The following MED1 variants were observed in gnomAD, a reference collection of about 807,000 sequenced individuals.
MED1 encodes mediator complex subunit 1.
Under a neutral mutation model 121.3 loss-of-function variants are expected in MED1, and 17 were observed. That is an observed-to-expected ratio of 0.14 (90% CI 0.10 to 0.21). The LOEUF is 0.21. MED1 is among the 10% of genes least tolerant of loss of function. The pLI, the probability that MED1 is intolerant of heterozygous loss-of-function variation, is 1.00. For synonymous variants in MED1, 661 were observed against 694.4 expected (o/e 0.95, Z 0.76); for missense variants, 1,558 against 1,919.4 (o/e 0.81, Z 3.52).
intron 6 of MED1, among the ~76,000 whole-genome samples, chr17:39,437,406 A>G (rs1356462689): frequency 3.3e-5 from 5 of 152,128 alleles, no homozygotes; most frequent in Non-Finnish European, 7.4e-5. Context: ...TAGATCACCA[A>G]TTCCCAACCA....
In MED1 at chr17:39,440,036, G is replaced by A. The variant is rs941561926; in HGVS notation, c.399+350C>T. ...AAGGAAGGAAAGAAAGAAAGAAAGA[G>A]AGAAAGAGAAAGAAAGAAAAGAAAG... On this transcript the variant is annotated intron_variant, in intron 5 of 16. Coordinates refer to ENST00000300651, the MANE Select transcript of MED1 (RefSeq NM_004774.4). This position sits in a 1 kb window ranked among gnomAD's most constrained non-coding sequence, Gnocchi z 4.1. 3.2e-3 allele frequency among the ~76,000 whole-genome samples: 417 copies of A among 128,528 alleles called. 2 individuals are homozygous for A. The highest frequency in any genetic ancestry group is 0.011 in the African/African-American group (399 of 35,452). The allele number at this position is 128,528 out of a possible 152,430, so 84.3% of individuals were successfully genotyped here. A position where few individuals can be genotyped will look rare whatever the true frequency, so the allele number is the denominator to read the frequency against.
In MED1 at chr17:39,408,917, A is replaced by G; in HGVS notation, c.3304T>C (p.Ser1102Pro). ...GTGGAAGCAGATGAGGAAGAGGAGGAAGAATGGCTATGGTGGCTTTTGCTG... is the reference window on the plus strand; with the variant it reads ...GTGGAAGCAGATGAGGAAGAGGAGGGAGAATGGCTATGGTGGCTTTTGCTG... The part of the protein sequence containing the change: ...SGSKSHHSHS[S>P]SSSSSASTSG... Residue 1102 changes from serine to proline, a missense_variant, in exon 17 of 17, where the codon TCC becomes CCC. Around this residue, in one of 5 missense-constraint regions of MED1, gnomAD observed 793 missense variants for 898.2 expected, o/e 0.88. Transcript: ENST00000300651. The surrounding 1 kb of genome is among the most constrained non-coding windows in gnomAD (Gnocchi z 4.7). 1.2e-6 allele frequency: 2 copies of G among 1,614,106 alleles called. No homozygotes were observed. Among genetic ancestry groups the G allele is most frequent in the South Asian group, 2.2e-5 (2 of 91,080 alleles).
intron 16 of MED1, 94 bp from the exon 17 acceptor site, chr17:39,410,815 G>C: frequency 6.7e-7 from 1 of 1,489,542 alleles, no homozygotes; most frequent in Non-Finnish European, 8.9e-7. Flanking sequence ...GCAGTAAGCA[G>C]TTTTCAGGTA....
In MED1 at chr17:39,407,451, T is replaced by C; in HGVS notation, c.*24A>G. The C allele has an allele frequency of 6.3e-7, 1 of 1,575,872 alleles. No individual in the cohort carries two copies. Among genetic ancestry groups the C allele is most frequent in the Non-Finnish European group, 8.6e-7 (1 of 1,163,146 alleles). On this transcript the variant is annotated 3_prime_UTR_variant, in exon 17 of 17. Coordinates refer to ENST00000300651, the MANE Select transcript of MED1 (RefSeq NM_004774.4). ...TCAATAGTTTTTTTTCCTCTGGCCC[T>C]GTTTCTTTTAGGAAATAAGGTTCCT... is the stretch of plus-strand genomic sequence containing the variant.
chr17:39,441,128 C>T (rs1409243786), intron 3 of MED1, among the ~76,000 whole-genome samples: 1 of 151,964 alleles, frequency 6.6e-6, no homozygotes, highest in African/African-American at 2.4e-5. Context: ...ATTTTTCAAC[C>T]TTAAAAAAGA....
At chr17:39,438,745 T>A (rs533230396) in intron 6 of MED1, among the ~76,000 whole-genome samples, 1 of 152,230 alleles carries the variant, frequency 6.6e-6, no homozygotes, top group Non-Finnish European at 1.5e-5. Context: ...AGTGCTGGGA[T>A]TACAGGCGTG....
At chr17:39,429,886 C>T (rs2048549910) in intron 9 of MED1, among the ~76,000 whole-genome samples, 1 of 151,828 alleles carries the variant, frequency 6.6e-6, no homozygotes, top group African/African-American at 2.4e-5. Context: ...CAGTTCAAGA[C>T]CAGCCTAGGC....
At chr17:39,428,489 T>A (rs1322970751) in intron 9 of MED1, among the ~76,000 whole-genome samples, 1 of 148,780 alleles carries the variant, frequency 6.7e-6, no homozygotes, top group Non-Finnish European at 1.5e-5. Context: ...GTCTCAAAAA[T>A]AATAATAATA....
intron 7 of MED1, among the ~76,000 whole-genome samples, chr17:39,433,028 A>AC (rs1567648986): frequency 6.6e-6 from 1 of 151,896 alleles, no homozygotes; most frequent in African/African-American, 2.4e-5. Flanking sequence ...AGATGGTGAA[A>AC]CCCCACCTCT....
intron 6 of MED1, among the ~76,000 whole-genome samples, chr17:39,436,255 G>C (rs1017383342): frequency 3.3e-5 from 5 of 151,742 alleles, no homozygotes; most frequent in Non-Finnish European, 5.9e-5. Flanking sequence ...CAGCTACTCG[G>C]GAGGCTGAGG....
chr17:39,427,636 C>G (rs921997056), intron 10 of MED1, 65 bp downstream of exon 10: 3 of 1,222,266 alleles, frequency 2.5e-6, no homozygotes, highest in Non-Finnish European at 3.5e-6. Flanking sequence ...GAATAGCAAA[C>G]CAGAAATTAA....
intron 3 of MED1, among the ~76,000 whole-genome samples, chr17:39,441,413 C>A (rs996023508): frequency 2.0e-5 from 3 of 152,174 alleles, no homozygotes; most frequent in Non-Finnish European, 2.9e-5. Context: ...CTTAACGCTA[C>A]TGAACTATAC....
intron 16 of MED1, among the ~76,000 whole-genome samples, chr17:39,411,505 C>G (rs2048355399): frequency 6.6e-6 from 1 of 151,620 alleles, no homozygotes; most frequent in South Asian, 2.1e-4. Flanking sequence ...AGCTGTAATC[C>G]CAGCTACTCA....
chr17:39,447,936 A>T (rs1056087474), intron 1 of MED1, 32 bp from the exon 2 acceptor site: 3 of 1,435,056 alleles, frequency 2.1e-6, no homozygotes, highest in Non-Finnish European at 2.9e-6. Flanking sequence ...GTTATCAGTA[A>T]CTGTTCTATC....
chr17:39,423,051 G>T (rs763709816), intron 13 of MED1, among the ~76,000 whole-genome samples: 1 of 151,418 alleles, frequency 6.6e-6, no homozygotes, highest in Admixed American at 6.6e-5. Flanking sequence ...ATTTTTAGTA[G>T]AGACAGGGTT....
chr17:39,418,189 G>T (rs1039066023), intron 14 of MED1, among the ~76,000 whole-genome samples: 5 of 151,058 alleles, frequency 3.3e-5, no homozygotes, highest in East Asian at 3.9e-4. Flanking sequence ...TCCAAACAAT[G>T]GGGAGAGAAA....
intron 13 of MED1, among the ~76,000 whole-genome samples, chr17:39,422,386 G>T (rs1372480605): frequency 6.8e-6 from 1 of 146,612 alleles, no homozygotes; most frequent in East Asian, 2.1e-4. Flanking sequence ...GGATGCTCTC[G>T]ATCTCTTGAC....
chr17:39,406,017 C>T lies in MED1; in HGVS notation c.*1458G>A. 1.0e-6 allele frequency: 1 copy of T among 985,360 alleles called. No individual in the cohort carries two copies. The highest frequency in any genetic ancestry group is 1.2e-6 in the Non-Finnish European group (1 of 829,904). The allele number at this position is 985,360 out of a possible 1,614,324, so 61.0% of individuals were successfully genotyped here. A position where few individuals can be genotyped will look rare whatever the true frequency, so the allele number is the denominator to read the frequency against. ...AATGGCACAGTGCAGGTGTCAATAT[C>T]AAAGTAAGGCCGCAGAATTTTTGAG... On this transcript the variant is annotated 3_prime_UTR_variant, in exon 17 of 17. Coordinates refer to ENST00000300651, the MANE Select transcript of MED1 (RefSeq NM_004774.4).
intron 10 of MED1, among the ~76,000 whole-genome samples, chr17:39,425,737 G>C (rs1375174743): frequency 6.6e-6 from 1 of 151,700 alleles, no homozygotes; most frequent in Admixed American, 6.6e-5. Context: ...GGGGGGCGGA[G>C]GTTGCAGTGA....
Sources: gnomAD v4.1 joint callset for allele counts (sites outside exome capture counted in the v4.1 genomes callset) on GRCh38, gnomAD v4.1.1 for gene constraint, gnomAD v4.1.1 regional missense constraint, Gnocchi (gnomAD v3.1) non-coding constraint, MANE v1.5 for transcripts, NCBI Gene and HGNC (gene_info 2026-07-23, HGNC 2026-07-21) for gene names.